The following ADAM12 variants were observed in gnomAD, a reference collection of about 807,000 sequenced individuals.
ADAM12 encodes disintegrin and metalloproteinase domain-containing protein 12.
Under a neutral mutation model 106.4 loss-of-function variants are expected in ADAM12, and 70 were observed. The observed-to-expected ratio is 0.66, with a 90% CI of 0.54 to 0.80. The LOEUF (loss-of-function observed/expected upper bound fraction) is 0.80, where lower values mean the gene tolerates loss of function less well. ADAM12 is among the 30% of genes least tolerant of loss of function. The pLI, the probability that ADAM12 is intolerant of heterozygous loss-of-function variation, is 0.00. For synonymous variants in ADAM12, 420 were observed against 433.5 expected (o/e 0.97, Z 0.39); for missense variants, 1,010 against 1,171.9 (o/e 0.86, Z 2.02).
chr10:126,371,627 C>T (rs1017693705), intron 1 of ADAM12, among the ~76,000 whole-genome samples: 3 of 152,208 alleles, frequency 2.0e-5, no homozygotes, highest in Non-Finnish European at 4.4e-5. Context: ...GCTTAACGGG[C>T]TTTACTGCTG....
intron 19 of ADAM12, among the ~76,000 whole-genome samples, chr10:126,039,036 T>G (rs1014299382): frequency 1.5e-5 from 2 of 137,400 alleles, no homozygotes; most frequent in African/African-American, 5.3e-5. Context: ...CGCAACTCAC[T>G]GCAAGCTCCG....
At position 126,017,169 on chromosome 10, in the gene ADAM12, G is replaced by A; in HGVS notation, c.*110C>T. On this transcript the variant is annotated 3_prime_UTR_variant, in exon 23 of 23. Coordinates refer to ENST00000448723, the MANE Select transcript of ADAM12 (RefSeq NM_001288973.2). ...AGTAGCTCAAAGTTCTTATAGTAAT[G>A]ATGTTTTAAACATTAAAAAAAATCC... The A allele has an allele frequency of 1.0e-6, 1 of 964,344 alleles. No individual in the cohort carries two copies. The highest frequency in any genetic ancestry group is 1.6e-5 in the South Asian group (1 of 62,050). 59.7% of individuals were successfully genotyped at this position (964,344 alleles called of 1,614,324 possible). A position where few individuals can be genotyped will look rare whatever the true frequency, so the allele number is the denominator to read the frequency against.
At chr10:126,138,684 T>G (rs1196775011) in intron 4 of ADAM12, among the ~76,000 whole-genome samples, 1 of 152,180 alleles carries the variant, frequency 6.6e-6, no homozygotes, top group Non-Finnish European at 1.5e-5. Context: ...CCCCTTTTAC[T>G]TTCTTGATTG....
At chr10:126,260,509 T>C (rs4962542) in intron 3 of ADAM12, among the ~76,000 whole-genome samples, 116,981 of 151,828 alleles carry the variant, frequency 0.77, 45,743 homozygotes, top group East Asian at 0.85. Flanking sequence ...GGGAAAAGAG[T>C]AAAAACAAAA....
intron 21 of ADAM12, among the ~76,000 whole-genome samples, chr10:126,033,867 CA>C (rs1315156427): frequency 6.6e-6 from 1 of 152,106 alleles, no homozygotes; most frequent in African/African-American, 2.4e-5. Flanking sequence ...CTATATCCAG[CA>C]AAACTATCCT....
chr10:126,172,169 T>G (rs1172367986), intron 3 of ADAM12, among the ~76,000 whole-genome samples: 1 of 152,218 alleles, frequency 6.6e-6, no homozygotes. Flanking sequence ...AGTGCACTCC[T>G]GTACACTCAA....
intron 3 of ADAM12, among the ~76,000 whole-genome samples, chr10:126,265,531 C>G (rs908911366): frequency 6.6e-6 from 1 of 152,174 alleles, no homozygotes; most frequent in Non-Finnish European, 1.5e-5. Flanking sequence ...GGTCACAGAA[C>G]TATTGACATG....
intron 2 of ADAM12, among the ~76,000 whole-genome samples, chr10:126,311,985 C>T (rs1961119587): frequency 6.6e-6 from 1 of 152,076 alleles, no homozygotes; most frequent in African/African-American, 2.4e-5. Flanking sequence ...TGGGGACCCT[C>T]TATTTGCAAT....
At chr10:126,338,087 A>G (rs1438477499) in intron 1 of ADAM12, among the ~76,000 whole-genome samples, 1 of 152,170 alleles carries the variant, frequency 6.6e-6, no homozygotes, top group Non-Finnish European at 1.5e-5. Context: ...TTTATGTGTC[A>G]TTTTGAAATT....
At chr10:126,370,211 G>A (rs1278875527) in intron 1 of ADAM12, among the ~76,000 whole-genome samples, 1 of 152,196 alleles carries the variant, frequency 6.6e-6, no homozygotes, top group Non-Finnish European at 1.5e-5. Flanking sequence ...ACCCAGATAA[G>A]TTGTGCCTAG....
At chr10:126,222,962 G>GA (rs1565148964) in intron 3 of ADAM12, among the ~76,000 whole-genome samples, 5 of 152,264 alleles carry the variant, frequency 3.3e-5, no homozygotes, top group Admixed American at 3.3e-4. Context: ...AGGGCCAAGG[G>GA]AAAAAAGCCT....
In ADAM12 at chr10:126,064,878, C is replaced by T. The variant is rs1306422345; in HGVS notation, c.1537G>A (p.Asp513Asn). Residue 513 changes from aspartate (D) to asparagine (N), a missense_variant, in exon 14 of 23, where the codon GAT (aspartate) becomes AAT (asparagine). Transcript: ENST00000448723. This position sits in a 1 kb window ranked among gnomAD's most constrained non-coding sequence, Gnocchi z 4.4. The stretch of plus-strand genomic sequence containing the variant: ...CCATTGTAGCAGTAGCCGTCCACAT[C>T]CTGACATGAGTGCCCATCGTGCAGG... ...VYLHDGHSCQDVDGYCYNGIC... is the reference protein window; with the variant it reads ...VYLHDGHSCQNVDGYCYNGIC... The T allele has an allele frequency of 6.2e-7, 1 of 1,612,884 alleles. No homozygotes were observed. The highest frequency in any genetic ancestry group is 2.2e-5 in the East Asian group (1 of 44,830).
At chr10:126,251,862 A>ATGGATAG (rs1565168667) in intron 3 of ADAM12, among the ~76,000 whole-genome samples, 16 of 2,926 alleles carry the variant, frequency 5.5e-3, no homozygotes, top group African/African-American at 0.021. Context: ...TGGATAGGAC[A>ATGGATAG]GATGGATGGA....
At chr10:126,056,207 A>G (rs934018438) in intron 14 of ADAM12, among the ~76,000 whole-genome samples, 3 of 152,186 alleles carry the variant, frequency 2.0e-5, no homozygotes, top group Non-Finnish European at 2.9e-5. Flanking sequence ...CACCCAAAAC[A>G]TGAGGGAGTG....
chr10:126,362,082 T>C (rs1267581547), intron 1 of ADAM12, among the ~76,000 whole-genome samples: 1 of 152,218 alleles, frequency 6.6e-6, no homozygotes, highest in Admixed American at 6.5e-5. Flanking sequence ...CAAACAATTC[T>C]GTAGAAAGAA....
intron 1 of ADAM12, among the ~76,000 whole-genome samples, chr10:126,382,899 T>C (rs544353368): frequency 3.3e-5 from 5 of 152,208 alleles, no homozygotes; most frequent in Non-Finnish European, 7.3e-5. Flanking sequence ...GAACATTCAT[T>C]GCACAAGAAA....
At chr10:126,317,113 C>T (rs569390354) in intron 2 of ADAM12, among the ~76,000 whole-genome samples, 2 of 152,212 alleles carry the variant, frequency 1.3e-5, no homozygotes, top group South Asian at 4.2e-4. Context: ...AACATCACCG[C>T]GAGTCCATCA....
chr10:126,270,943 C>A (rs553143122), intron 3 of ADAM12, among the ~76,000 whole-genome samples: 4 of 152,186 alleles, frequency 2.6e-5, no homozygotes, highest in Non-Finnish European at 5.9e-5. Flanking sequence ...AGGGCCACAG[C>A]TGATGCCTCT....
chr10:126,202,582 G>T (rs1407484718), intron 3 of ADAM12, among the ~76,000 whole-genome samples: 4 of 152,080 alleles, frequency 2.6e-5, no homozygotes, highest in Non-Finnish European at 5.9e-5. Flanking sequence ...GTGGATTGAA[G>T]ATATTTTTAA....
Sources: gnomAD v4.1 joint callset for allele counts (sites outside exome capture counted in the v4.1 genomes callset) on GRCh38, gnomAD v4.1.1 for gene constraint, Gnocchi (gnomAD v3.1) non-coding constraint, MANE v1.5 for transcripts, NCBI Gene and HGNC (gene_info 2026-07-23, HGNC 2026-07-21) for gene names.